Variants in KCTD14 observed in about 807,000 individuals in gnomAD.
KCTD14 encodes potassium channel tetramerization domain containing 14.
KCTD14 carries 7 observed loss-of-function variants against 5.9 expected under a neutral mutation model. The observed-to-expected ratio is 1.19, with a 90% CI of 0.68 to 2.23. The LOEUF is 2.23. Among genes scored for constraint, KCTD14 ranks in the 30% most tolerant of loss-of-function variants. The pLI, the probability that KCTD14 is intolerant of heterozygous loss-of-function variation, is 0.00. For missense variants in KCTD14, 342 were observed against 332.2 expected (o/e 1.03, Z -0.23); for synonymous variants, 140 against 133.1 (o/e 1.05, Z -0.36).
rs747842819 is a variant in KCTD14, at chr11:78,016,842, C to T, written c.519G>A (p.Val173=). 8.1e-6 allele frequency: 13 copies of T among 1,614,088 alleles called. No homozygotes were observed. In the East Asian group the frequency reaches 2.7e-4, roughly 33 times the overall value. The change falls in exon 2 of 2, where the codon GTG becomes GTA. Residue 173 remains valine, a synonymous_variant. Transcript: ENST00000353172. ...AATATGCATCCTGCTCCTCAGTTTC[C>T]ACCAGGCACACAAGCACGCTGGACT... is the stretch of plus-strand genomic sequence containing the variant. ...ARKSSVLVCL[V]ETEEQDAYYS...
chr11:78,027,656 C>T (rs561674180), upstream of KCTD14, among the ~76,000 whole-genome samples: 29 of 152,024 alleles, frequency 1.9e-4, no homozygotes, highest in Admixed American at 1.0e-3. Flanking sequence ...CCACCACTCC[C>T]AGTCAGACCC....
intron 2 of KCTD14, among the ~76,000 whole-genome samples, chr11:78,028,871 G>A (rs1283968097): frequency 1.3e-5 from 2 of 152,030 alleles, no homozygotes; most frequent in Non-Finnish European, 2.9e-5. Flanking sequence ...ATCCTAGGAG[G>A]CAAGAAGAGA....
chr11:78,015,941 T>C lies in KCTD14; in HGVS notation c.*652A>G, dbSNP rs1857151480. The C allele has an allele frequency of 6.6e-6, 1 of 152,268 alleles. No homozygotes were observed. Among genetic ancestry groups the C allele is most frequent in the African/African-American group, 2.4e-5 (1 of 41,456 alleles). 9.4% of individuals were successfully genotyped at this position (152,268 alleles called of 1,614,324 possible). ...TTCTTTTCTAGAGATGGTCTCAAAATTAGAATACATCAAAATCACTTGGAG... is the reference window on the plus strand; with the variant it reads ...TTCTTTTCTAGAGATGGTCTCAAAACTAGAATACATCAAAATCACTTGGAG... On this transcript the variant is annotated 3_prime_UTR_variant, in exon 2 of 2. Transcript: ENST00000353172.
At chr11:78,042,045 GCT>G (rs1427705339) in intron 1 of KCTD14, among the ~76,000 whole-genome samples, 1 of 152,200 alleles carries the variant, frequency 6.6e-6, no homozygotes, top group African/African-American at 2.4e-5. Flanking sequence ...CATCTTGGGA[GCT>G]CTGTGAGCAA....
intron 1 of KCTD14, among the ~76,000 whole-genome samples, chr11:78,022,394 A>G (rs936844557): frequency 6.6e-6 from 1 of 152,138 alleles, no homozygotes; most frequent in South Asian, 2.1e-4. Context: ...ACACTTCCCC[A>G]GTAATTCATT....
At chr11:78,019,609 G>A (rs1196180049) in intron 1 of KCTD14, among the ~76,000 whole-genome samples, 3 of 152,106 alleles carry the variant, frequency 2.0e-5, no homozygotes, top group Admixed American at 1.3e-4. Flanking sequence ...AAGCCACCAC[G>A]CCCAGCAAAA....
chr11:78,022,621 T>A (rs574710308), intron 1 of KCTD14, among the ~76,000 whole-genome samples: 82 of 151,678 alleles, frequency 5.4e-4, no homozygotes, highest in Non-Finnish European at 9.1e-4. Context: ...TTCCCCATCC[T>A]CCTCCCCAAC....
chr11:78,020,905 T>C (rs979724850), intron 1 of KCTD14, among the ~76,000 whole-genome samples: 18 of 152,112 alleles, frequency 1.2e-4, no homozygotes, highest in Admixed American at 8.5e-4. Context: ...ATCTGTGAAA[T>C]AGGGAGGCAA....
intron 1 of KCTD14, among the ~76,000 whole-genome samples, chr11:78,041,994 C>G (rs1342731056): frequency 6.7e-6 from 1 of 149,594 alleles, no homozygotes; most frequent in Non-Finnish European, 1.5e-5. Flanking sequence ...TTGCCACCAT[C>G]TTGGAAGTGG....
At chr11:78,039,085 A>AC (rs71046945) in intron 1 of KCTD14, among the ~76,000 whole-genome samples, 27 of 149,130 alleles carry the variant, frequency 1.8e-4, no homozygotes, top group East Asian at 2.0e-4. Flanking sequence ...AAAAAAAAAA[A>AC]CACAAAAAAA....
At chr11:78,038,753 C>T in exon 2 of KCTD14, 1 of 1,535,714 alleles carries the variant, frequency 6.5e-7, no homozygotes, top group South Asian at 1.2e-5. Context: ...AGGCCAATGT[C>T]ACCCCCTGAA....
intron 2 of KCTD14, among the ~76,000 whole-genome samples, chr11:78,038,213 C>T (rs960912744): frequency 1.3e-5 from 2 of 152,184 alleles, no homozygotes; most frequent in Non-Finnish European, 2.9e-5. Flanking sequence ...GTCTTGGGAC[C>T]TCGGGTGTCC....
chr11:78,033,515 C>A (rs1217122365), intron 2 of KCTD14, among the ~76,000 whole-genome samples: 1 of 151,926 alleles, frequency 6.6e-6, no homozygotes, highest in African/African-American at 2.4e-5. Flanking sequence ...AACCCTGTCT[C>A]TACTAAAAAT....
intron 2 of KCTD14, among the ~76,000 whole-genome samples, chr11:78,036,658 C>G (rs1448538851): frequency 6.6e-6 from 1 of 152,228 alleles, no homozygotes; most frequent in Non-Finnish European, 1.5e-5. Flanking sequence ...TCCCAAGAGG[C>G]CTTCCGTGAC....
upstream of KCTD14, among the ~76,000 whole-genome samples, chr11:78,027,922 G>T (rs1444125586): frequency 2.0e-5 from 3 of 151,970 alleles, no homozygotes; most frequent in Non-Finnish European, 4.4e-5. Context: ...CAGTCTTAAG[G>T]TCTCTGTTTT....
At chr11:78,029,736 T>C (rs1857562845) in intron 2 of KCTD14, among the ~76,000 whole-genome samples, 2 of 152,182 alleles carry the variant, frequency 1.3e-5, no homozygotes, top group Admixed American at 1.3e-4. Flanking sequence ...TTTAATAGGT[T>C]TTGATGGAAC....
At chr11:78,023,876 A>G (rs981733607), upstream of KCTD14, among the ~76,000 whole-genome samples, 3 of 152,164 alleles carry the variant, frequency 2.0e-5, no homozygotes, top group Non-Finnish European at 2.9e-5. Flanking sequence ...AGGGAGTGAA[A>G]GATCCGCAAC....
At chr11:78,025,114 G>A (rs1374783637), upstream of KCTD14, among the ~76,000 whole-genome samples, 216 of 66,684 alleles carry the variant, frequency 3.2e-3, no homozygotes, top group African/African-American at 3.8e-3. Flanking sequence ...GTGTGTGTGT[G>A]TGTGTATATA....
chr11:78,018,110 TAAC>T (rs1187494547), intron 1 of KCTD14, among the ~76,000 whole-genome samples: 3 of 151,494 alleles, frequency 2.0e-5, no homozygotes, highest in Admixed American at 1.3e-4. Flanking sequence ...AAACCAACAA[TAAC>T]AACAACAACA....
Sources: gnomAD v4.1 joint callset for allele counts (sites outside exome capture counted in the v4.1 genomes callset) on GRCh38, gnomAD v4.1.1 for gene constraint, MANE v1.5 for transcripts, NCBI Gene and HGNC (gene_info 2026-07-23, HGNC 2026-07-21) for gene names.